The following USH2A variants were observed in gnomAD, a reference collection of about 807,000 sequenced individuals.
USH2A encodes the protein usherin.
A neutral mutation model predicts 538.9 loss-of-function variants in USH2A; 443 were observed. The observed-to-expected ratio is 0.82, with a 90% CI of 0.76 to 0.89. The LOEUF is 0.89. Ranked by LOEUF, USH2A falls within the 40% of genes least tolerant of loss-of-function variation. The pLI is 0.00. For missense variants in USH2A, 6,633 were observed against 6,324.8 expected, an observed-to-expected ratio of 1.05 and a Z score of -1.65; for synonymous variants, 2,413 against 2,273.5, an observed-to-expected ratio of 1.06 and a Z score of -1.75.
At position 216,324,015 on chromosome 1, in the gene USH2A, T is replaced by A. The variant is rs114843750; in HGVS notation, c.1328+153A>T. ...TCTTTTACAAGAACTTTAAACATAG[T>A]TTTAAGCCCAATTTAGGGATAAGAC... On this transcript the variant is annotated intron_variant, in intron 7 of 71. Transcript: ENST00000307340. 1.9e-3 allele frequency among the ~76,000 whole-genome samples: 294 copies of A among 152,230 alleles called. 2 individuals are homozygous for A. The highest frequency in any genetic ancestry group is 6.4e-3 in the African/African-American group (264 of 41,546).
intron 3 of USH2A, 48 bp downstream of exon 3, chr1:216,418,466 C>A: frequency 6.2e-7 from 1 of 1,601,600 alleles, no homozygotes; most frequent in Non-Finnish European, 8.5e-7. Context: ...GAAAGGAAGA[C>A]AAATCCTTGT....
At chr1:215,945,575 A>G (rs1440449154) in intron 37 of USH2A, among the ~76,000 whole-genome samples, 1 of 152,184 alleles carries the variant, frequency 6.6e-6, no homozygotes, top group Non-Finnish European at 1.5e-5. Context: ...AAAAATATTG[A>G]GAAATTTGAA....
At chr1:215,915,747 T>C (rs1010656872) in intron 38 of USH2A, among the ~76,000 whole-genome samples, 10 of 151,852 alleles carry the variant, frequency 6.6e-5, no homozygotes, top group Admixed American at 5.3e-4. Flanking sequence ...CATATGTTTA[T>C]TGCGGCACTA....
chr1:216,280,558 T>G (rs1015514792), intron 11 of USH2A, among the ~76,000 whole-genome samples: 1 of 152,176 alleles, frequency 6.6e-6, no homozygotes, highest in Non-Finnish European at 1.5e-5. Context: ...ATTATTACTC[T>G]TCATTTTCCT....
chr1:216,224,121 T>C (rs1331245966), intron 14 of USH2A, among the ~76,000 whole-genome samples: 4 of 152,136 alleles, frequency 2.6e-5, no homozygotes, highest in African/African-American at 9.6e-5. Context: ...ACATAGAATA[T>C]AGAGAGGGTA....
intron 46 of USH2A, among the ~76,000 whole-genome samples, chr1:215,839,731 A>G (rs542580661): frequency 6.6e-6 from 1 of 152,306 alleles, no homozygotes; most frequent in Non-Finnish European, 1.5e-5. Flanking sequence ...TCTAGTGCTA[A>G]AACGATATTG....
chr1:216,197,650 T>G (rs557542748), intron 18 of USH2A, among the ~76,000 whole-genome samples: 4 of 152,182 alleles, frequency 2.6e-5, no homozygotes, highest in Non-Finnish European at 4.4e-5. Context: ...TATCTACAGA[T>G]TAAACACATA....
intron 38 of USH2A, among the ~76,000 whole-genome samples, chr1:215,909,545 G>T (rs1665722401): frequency 6.6e-6 from 1 of 151,920 alleles, no homozygotes; most frequent in Admixed American, 6.6e-5. Flanking sequence ...TGGGAACTCT[G>T]CACCTTCTGC....
At chr1:216,358,585 T>C (rs1302624391) in intron 4 of USH2A, among the ~76,000 whole-genome samples, 4 of 152,094 alleles carry the variant, frequency 2.6e-5, no homozygotes, top group African/African-American at 7.2e-5. Flanking sequence ...GCCTGGCTCA[T>C]TAGGCAGAAG....
At chr1:215,765,286 G>A (rs1313943271) in intron 56 of USH2A, among the ~76,000 whole-genome samples, 3 of 151,978 alleles carry the variant, frequency 2.0e-5, no homozygotes, top group Admixed American at 1.3e-4. Flanking sequence ...CCTTTCAAAG[G>A]AACACTAAGC....
At chr1:216,154,351 A>C (rs2033898817) in intron 21 of USH2A, among the ~76,000 whole-genome samples, 1 of 152,222 alleles carries the variant, frequency 6.6e-6, no homozygotes, top group African/African-American at 2.4e-5. Flanking sequence ...AGTGATAAGC[A>C]GTATACACAC....
chr1:216,115,233 A>G (rs2032977961), intron 21 of USH2A, among the ~76,000 whole-genome samples: 1 of 152,082 alleles, frequency 6.6e-6, no homozygotes, highest in Non-Finnish European at 1.5e-5. Flanking sequence ...CTGAACTCAA[A>G]CAATCCTCAG....
At chr1:215,740,952 G>T (rs1453971731) in intron 60 of USH2A, among the ~76,000 whole-genome samples, 1 of 152,172 alleles carries the variant, frequency 6.6e-6, no homozygotes, top group East Asian at 1.9e-4. Context: ...AGGAGGTGAA[G>T]CTCCGGTGGT....
At chr1:215,871,798 G>A (rs982988289) in intron 43 of USH2A, among the ~76,000 whole-genome samples, 2 of 152,048 alleles carry the variant, frequency 1.3e-5, no homozygotes, top group African/African-American at 4.8e-5. Flanking sequence ...TATCCAGCTG[G>A]GAAGTCTTCA....
chr1:216,212,513 A>T (rs1572055833), intron 15 of USH2A, among the ~76,000 whole-genome samples: 3 of 152,270 alleles, frequency 2.0e-5, no homozygotes, highest in African/African-American at 7.2e-5. Flanking sequence ...TATTGTGACT[A>T]GATCCATCTC....
In USH2A at chr1:216,322,245, T is replaced by C. The variant is rs116548223; in HGVS notation, c.1551-269A>G. On this transcript the variant is annotated intron_variant, in intron 8 of 71. Coordinates refer to ENST00000307340, the MANE Select transcript of USH2A (RefSeq NM_206933.4). ...ACCTCTAAAGGGAAATGGAATTTTT[T>C]ATATCTATACCAACCACGTACCAAG... Among the ~76,000 whole-genome samples the C allele has an allele frequency of 5.4e-3, 828 of 152,264 alleles. 3 individuals carry two copies. The highest frequency in any genetic ancestry group is 0.018 in the African/African-American group (759 of 41,540).
chr1:216,003,854 T>G (rs1290466949), intron 32 of USH2A, among the ~76,000 whole-genome samples: 3 of 152,120 alleles, frequency 2.0e-5, no homozygotes, highest in African/African-American at 7.2e-5. Flanking sequence ...GACGTATAGA[T>G]GGTAGTGAGC....
In USH2A at chr1:216,207,424, G is replaced by T; in HGVS notation, c.3165C>A (p.Phe1055Leu). The T allele has an allele frequency of 1.2e-6, 2 of 1,613,952 alleles. No individual in the cohort carries two copies. The highest frequency in any genetic ancestry group is 1.7e-6 in the Non-Finnish European group (2 of 1,179,934). The change falls in exon 16 of 72, where the codon TTC becomes TTA. Residue 1055 changes from phenylalanine (F) to leucine (L), a missense_variant. By Grantham distance (22) the Phe-to-Leu change is conservative. Transcript: ENST00000307340. ...NNLLGCSKTP[F>L]QQPPPRGQVQ... is the part of the protein sequence containing the mutation. Reference sequence around the variant, plus strand: ...CTTGTCCTCTGGGCGGAGGTTGCTGGAATGGAGCTAAATTACAATGAAGAG... The same window carrying T: ...CTTGTCCTCTGGGCGGAGGTTGCTGTAATGGAGCTAAATTACAATGAAGAG...
intron 67 of USH2A, among the ~76,000 whole-genome samples, chr1:215,641,530 T>C (rs911775046): frequency 2.3e-4 from 35 of 152,186 alleles, no homozygotes; most frequent in African/African-American, 8.4e-4. Context: ...ACCTTTTAAA[T>C]GAATAATTTT....
Sources: allele counts gnomAD v4.1 joint callset (sites outside exome capture counted in the v4.1 genomes callset), GRCh38; gene constraint gnomAD v4.1.1; transcripts MANE v1.5; gene names NCBI Gene and HGNC (gene_info 2026-07-23, HGNC 2026-07-21).